UGT2B10: variants seen among roughly 807,000 people sequenced by gnomAD.
UGT2B10 encodes the protein UDP glucuronosyltransferase family 2 member B10.
In UGT2B10, 51 loss-of-function variants were observed where a neutral mutation model predicts 43.7. The observed-to-expected ratio is 1.17, with a 90% CI of 0.93 to 1.47. UGT2B10 has a LOEUF of 1.47. Among genes scored for constraint, UGT2B10 ranks in the 40% most tolerant of loss-of-function variants. The pLI is 0.00. For missense variants in UGT2B10, 696 were observed against 617.7 expected, an observed-to-expected ratio of 1.13 and a Z score of -1.34; for synonymous variants, 225 against 209.0, an observed-to-expected ratio of 1.08 and a Z score of -0.66.
At chr4:68,819,889 A>G (rs923274392) in intron 2 of UGT2B10, among the ~76,000 whole-genome samples, 27 of 152,184 alleles carry the variant, frequency 1.8e-4, no homozygotes, top group African/African-American at 6.3e-4. Context: ...GGCTTCTTCA[A>G]TGGATTATTA....
At chr4:68,822,598 A>G (rs1016154592) in intron 3 of UGT2B10, among the ~76,000 whole-genome samples, 196 bp downstream of exon 3, 1 of 152,122 alleles carries the variant, frequency 6.6e-6, no homozygotes, top group Non-Finnish European at 1.5e-5. Flanking sequence ...GCCCTGGGGT[A>G]GTTACTACCC....
Position 68,827,567 on chromosome 4 carries a change from T to C in UGT2B10, c.1307+19T>C, listed in dbSNP as rs1312473386. ...ATCCTTCGTGAGTAGAACAATATTTTTCACTAGATGGTATTAATAGATAGC... is the reference window on the plus strand; with the variant it reads ...ATCCTTCGTGAGTAGAACAATATTTCTCACTAGATGGTATTAATAGATAGC... On this transcript the variant is annotated intron_variant, in intron 5 of 5. Transcript: ENST00000265403. The C allele has an allele frequency of 6.2e-7, 1 of 1,612,834 alleles. No individual in the cohort carries two copies. The highest frequency in any genetic ancestry group is 8.5e-7 in the Non-Finnish European group (1 of 1,179,098).
intron 3 of UGT2B10, among the ~76,000 whole-genome samples, chr4:68,826,037 T>A (rs750907213): frequency 6.6e-6 from 1 of 152,088 alleles, no homozygotes; most frequent in African/African-American, 2.4e-5. Context: ...CCATTCTGAC[T>A]GGTGTGCGAT....
Position 68,828,809 on chromosome 4 carries a change from G to A in UGT2B10, c.1307+1261G>A, listed in dbSNP as rs555156878. ...AGTCATTTGAAGTGGCATGTGGTGG[G>A]AAATAAATCAAGACTTAGGAAATAT... On this transcript the variant is annotated intron_variant, in intron 5 of 5. Coordinates refer to ENST00000265403, the MANE Select transcript of UGT2B10 (RefSeq NM_001075.6). Among the ~76,000 whole-genome samples the A allele has an allele frequency of 1.7e-3, 255 of 152,056 alleles. 2 individuals carry two copies. In the Middle Eastern group the frequency reaches 0.02, roughly 12 times the overall value.
intron 1 of UGT2B10, 54 bp downstream of exon 1, chr4:68,816,791 A>G (rs113475342): frequency 0.087 from 122,982 of 1,419,162 alleles, 5,935 homozygotes; most frequent in Non-Finnish European, 0.1. Context: ...GTGTCTTTGA[A>G]GCACAACTTG....
intron 2 of UGT2B10, among the ~76,000 whole-genome samples, chr4:68,818,862 A>G (rs1374442101): frequency 1.3e-5 from 2 of 152,024 alleles, no homozygotes; most frequent in East Asian, 1.9e-4. Context: ...GATACGTATT[A>G]GGAGTTGAAA....
chr4:68,823,745 T>C (rs1398798153), intron 3 of UGT2B10, among the ~76,000 whole-genome samples: 3 of 152,084 alleles, frequency 2.0e-5, no homozygotes, highest in Non-Finnish European at 4.4e-5. Flanking sequence ...AAATTAGAGC[T>C]TTTGGGAAAG....
chr4:68,823,541 G>T (rs1358384310), intron 3 of UGT2B10, among the ~76,000 whole-genome samples: 1 of 152,094 alleles, frequency 6.6e-6, no homozygotes, highest in Non-Finnish European at 1.5e-5. Context: ...AGACTCTACT[G>T]TAGTATATTT....
intron 2 of UGT2B10, among the ~76,000 whole-genome samples, chr4:68,822,023 A>G (rs1341427721): frequency 2.0e-5 from 3 of 152,102 alleles, no homozygotes; most frequent in Non-Finnish European, 4.4e-5. Flanking sequence ...TCTTTTCTCC[A>G]TTACACACAT....
At chr4:68,829,530 T>A (rs1578275459) in intron 5 of UGT2B10, among the ~76,000 whole-genome samples, 4 of 152,036 alleles carry the variant, frequency 2.6e-5, no homozygotes, top group South Asian at 4.1e-4. Context: ...TAAATCATTT[T>A]AAAAATTCTA....
chr4:68,817,737 T>C (rs1225311721), intron 1 of UGT2B10, among the ~76,000 whole-genome samples: 2 of 151,798 alleles, frequency 1.3e-5, no homozygotes, highest in African/African-American at 2.4e-5. Context: ...AATAAATTGA[T>C]GTTTAATTCT....
chr4:68,816,797 A>G, intron 1 of UGT2B10, 60 bp downstream of exon 1: 11 of 1,375,118 alleles, frequency 8.0e-6, no homozygotes, highest in South Asian at 1.4e-5. Flanking sequence ...TTGAAGCACA[A>G]CTTGCATAAA....
At chr4:68,822,619 T>C (rs1412446936) in intron 3 of UGT2B10, among the ~76,000 whole-genome samples, 3 of 152,138 alleles carry the variant, frequency 2.0e-5, no homozygotes, top group African/African-American at 4.8e-5. Context: ...TTGGTATGCA[T>C]GAGTGATTCC....
At position 68,827,511 on chromosome 4, in the gene UGT2B10, C is replaced by T; in HGVS notation, c.1270C>T (p.Leu424=). 9.9e-6 allele frequency: 16 copies of T among 1,613,304 alleles called. No individual in the cohort carries two copies. Among genetic ancestry groups the T allele is most frequent in the Non-Finnish European group, 1.4e-5 (16 of 1,179,476 alleles). Residue 424 remains leucine (L), a synonymous_variant, in exon 5 of 6, where the codon CTG becomes TTG. Coordinates refer to ENST00000265403, the MANE Select transcript of UGT2B10 (RefSeq NM_001075.6). ...CTTCAACACAATGTCGAGTACAGAC[C>T]TGCTGAATGCACTGAAGACAGTAAT... ...VDFNTMSSTD[L]LNALKTVIND...
Position 68,830,758 on chromosome 4 carries a change from C to G in UGT2B10, c.1466C>G (p.Ser489Cys). Residue 489 changes from serine to cysteine, a missense_variant, in exon 6 of 6, where the codon TCT becomes TGT. Physicochemically the swap from Ser to Cys is moderately radical, Grantham distance 112. Coordinates refer to ENST00000265403, the MANE Select transcript of UGT2B10 (RefSeq NM_001075.6). Reference sequence around the variant, plus strand: ...AACCTCACCTGGTTCCAGTACCACTCTTTGGATGTGATTGGGTTCCTGCTG... The same window carrying G: ...AACCTCACCTGGTTCCAGTACCACTGTTTGGATGTGATTGGGTTCCTGCTG... ...AHNLTWFQYHSLDVIGFLLAC... is the reference protein window; with the variant it reads ...AHNLTWFQYHCLDVIGFLLAC... 1.9e-6 allele frequency: 3 copies of G among 1,613,404 alleles called. No individual in the cohort carries two copies. Among genetic ancestry groups the G allele is most frequent in the Non-Finnish European group, 2.5e-6 (3 of 1,179,560 alleles).
chr4:68,820,020 A>T (rs1737413941), intron 2 of UGT2B10, among the ~76,000 whole-genome samples: 1 of 152,008 alleles, frequency 6.6e-6, no homozygotes, highest in Admixed American at 6.6e-5. Flanking sequence ...TTCTTAAGAG[A>T]CAAAAGTTGA....
chr4:68,826,595 A>T, intron 4 of UGT2B10, 98 bp downstream of exon 4: 1 of 1,391,026 alleles, frequency 7.2e-7, no homozygotes. Flanking sequence ...TTGTTATAGG[A>T]AAACAAAAAA....
chr4:68,816,818 C>A, intron 1 of UGT2B10, 81 bp downstream of exon 1: 3 of 1,197,600 alleles, frequency 2.5e-6, no homozygotes, highest in Non-Finnish European at 3.5e-6. Flanking sequence ...GCCATAAAGT[C>A]AGGGAAGTGG....
intron 1 of UGT2B10, among the ~76,000 whole-genome samples, chr4:68,817,591 G>A (rs975846990): frequency 1.3e-5 from 2 of 151,678 alleles, no homozygotes; most frequent in African/African-American, 4.8e-5. Context: ...AAAGATAAAA[G>A]GATTAGCTTA....
Sources: allele counts gnomAD v4.1 joint callset (sites outside exome capture counted in the v4.1 genomes callset), GRCh38; gene constraint gnomAD v4.1.1; transcripts MANE v1.5; gene names NCBI Gene and HGNC (gene_info 2026-07-23, HGNC 2026-07-21).